Variants in KL observed in about 807,000 individuals in gnomAD.
KL encodes klotho.
Under a neutral mutation model 84.2 loss-of-function variants are expected in KL, and 62 were observed. The ratio of observed to expected loss-of-function variants is 0.74; its 90% CI spans 0.60 to 0.91. The LOEUF is 0.91. Among genes scored for constraint, KL ranks in the 40% least tolerant of loss-of-function variants. KL has a pLI of 0.00. For missense variants in KL, 1,261 were observed against 1,305.7 expected (o/e 0.97, Z 0.53); for synonymous variants, 528 against 528.0 (o/e 1.00, Z 0.00).
intron 1 of KL, among the ~76,000 whole-genome samples, chr13:33,052,351 G>C (rs1272638978): frequency 6.6e-6 from 1 of 152,174 alleles, no homozygotes; most frequent in African/African-American, 2.4e-5. Context: ...ATGGAGAAGG[G>C]TAGGAGACAT....
At chr13:33,030,786 A>G (rs76029927) in intron 1 of KL, among the ~76,000 whole-genome samples, 5,528 of 152,302 alleles carry the variant, frequency 0.036, 331 homozygotes, top group African/African-American at 0.13. Flanking sequence ...AAACACATAC[A>G]CAAACTGAAA....
rs778691231 is a variant in KL at position 33,016,645 on chromosome 13, G to C, written c.205G>C (p.Val69Leu). 3 of 1,577,284 alleles carry C rather than the reference G, an allele frequency of 1.9e-6. No homozygotes were observed. Among genetic ancestry groups the C allele is most frequent in the Non-Finnish European group, 2.6e-6 (3 of 1,161,880 alleles). ...GTFPDGFLWAVGSAAYQTEGG... is the reference protein window; with the variant it reads ...GTFPDGFLWALGSAAYQTEGG... Reference sequence around the variant, plus strand: ...CTTCCCCGACGGCTTCCTCTGGGCCGTGGGCAGCGCCGCCTACCAGACCGA... The same window carrying C: ...CTTCCCCGACGGCTTCCTCTGGGCCCTGGGCAGCGCCGCCTACCAGACCGA... Residue 69 changes from valine (V) to leucine (L), a missense_variant, in exon 1 of 5, where the codon GTG becomes CTG. Transcript: ENST00000380099.
At position 33,060,783 on chromosome 13, in the gene KL, G is replaced by A. The variant is rs902573320; in HGVS notation, c.1704G>A (p.Arg568=). 1 of 1,614,200 alleles carries A rather than the reference G, an allele frequency of 6.2e-7. No homozygotes were observed. The highest frequency in any genetic ancestry group is 8.5e-7 in the Non-Finnish European group (1 of 1,180,042). The change falls in exon 4 of 5, where the codon AGG becomes AGA. Residue 568 remains arginine, a synonymous_variant. Coordinates refer to ENST00000380099, the MANE Select transcript of KL (RefSeq NM_004795.4). ...IKVDGVVTKK[R]KSYCVDFAAI... ...TGGATGGGGTTGTGACCAAGAAGAG[G>A]AAATCCTACTGTGTTGACTTTGCTG...
At chr13:33,055,423 CA>C in intron 3 of KL, 108 bp downstream of exon 3, 6 of 1,430,310 alleles carry the variant, frequency 4.2e-6, no homozygotes, top group Admixed American at 1.8e-5. Flanking sequence ...TTCTTTGAGC[CA>C]AAAACAATTC....
rs1872302013 is a variant in KL, at chr13:33,063,829, C to T, written c.2702-20C>T. ...TGCAAAATACGTAATAACTACTCTC[C>T]TATCCTTTTGTTTTTCCAGCCCACA... On this transcript the variant is annotated intron_variant, in intron 4 of 4. Transcript: ENST00000380099. 6.2e-7 allele frequency: 1 copy of T among 1,607,960 alleles called. No homozygotes were observed. The highest frequency in any genetic ancestry group is 8.5e-7 in the Non-Finnish European group (1 of 1,174,558).
Position 33,061,214 on chromosome 13 carries a change from A to G in KL, c.2135A>G (p.His712Arg), listed in dbSNP as rs1170493606. 4 of 1,614,246 alleles carry G rather than the reference A, an allele frequency of 2.5e-6. No individual in the cohort carries two copies. Among genetic ancestry groups the G allele is most frequent in the East Asian group, 4.5e-5 (2 of 44,882 alleles). Residue 712 changes from histidine to arginine, a missense_variant, in exon 4 of 5, where the codon CAT becomes CGT. By Grantham distance (29) the His-to-Arg change is conservative. Coordinates refer to ENST00000380099, the MANE Select transcript of KL (RefSeq NM_004795.4). ...CTGAAGGCCCATGCCCTGGCTTGGC[A>G]TGTGTACAATGAAAAGTTTAGGCAT... The part of the protein sequence containing the change: ...NLLKAHALAW[H>R]VYNEKFRHAQ...
chr13:33,061,804 T>C, intron 4 of KL, 24 bp downstream of exon 4: 1 of 1,608,280 alleles, frequency 6.2e-7, no homozygotes, highest in Non-Finnish European at 8.5e-7. Flanking sequence ...GCTGCGGCTA[T>C]CTCCTGAAGG....
intron 1 of KL, among the ~76,000 whole-genome samples, chr13:33,023,731 G>A (rs936584096): frequency 2.0e-5 from 3 of 152,026 alleles, no homozygotes; most frequent in African/African-American, 7.3e-5. Context: ...CAGATGTCAC[G>A]TCATCCATGA....
intron 1 of KL, among the ~76,000 whole-genome samples, chr13:33,032,689 G>A (rs1467383499): frequency 6.6e-6 from 1 of 152,044 alleles, no homozygotes; most frequent in Non-Finnish European, 1.5e-5. Flanking sequence ...CCACAGATCC[G>A]CCAATGGGAG....
intron 1 of KL, among the ~76,000 whole-genome samples, chr13:33,039,322 T>C (rs1871252851): frequency 6.6e-6 from 1 of 152,232 alleles, no homozygotes; most frequent in Admixed American, 6.5e-5. Flanking sequence ...TTTCAACTAA[T>C]TTAAGAATTA....
intron 1 of KL, among the ~76,000 whole-genome samples, chr13:33,032,316 T>C (rs1871000775): frequency 6.6e-6 from 1 of 152,204 alleles, no homozygotes; most frequent in African/African-American, 2.4e-5. Flanking sequence ...ACCATTTTAT[T>C]TGGTTTACAA....
At chr13:33,040,372 T>C (rs1871294966) in intron 1 of KL, among the ~76,000 whole-genome samples, 1 of 152,194 alleles carries the variant, frequency 6.6e-6, no homozygotes, top group Admixed American at 6.5e-5. Flanking sequence ...TTCTTGAAGT[T>C]GAGGTAATAG....
chr13:33,055,965 T>TC (rs1871941423), intron 3 of KL, among the ~76,000 whole-genome samples: 1 of 152,244 alleles, frequency 6.6e-6, no homozygotes, highest in African/African-American at 2.4e-5. Flanking sequence ...GACTGGATAC[T>TC]CTAGTAAGCA....
rs535996832 is a variant in KL at position 33,032,591 on chromosome 13, TC to T, written c.819+15333del. Among the ~76,000 whole-genome samples, 327 of 152,256 alleles carry T rather than the reference TC, an allele frequency of 2.1e-3. 1 individual carries two copies. The highest frequency in any genetic ancestry group is 7.2e-3 in the African/African-American group (298 of 41,550). ...AAGTGGTATGGACTTCTTTTCTTCT[TC>T]TTCTTCTTCTTTTCACTTATTCTTG... On this transcript the variant is annotated intron_variant, in intron 1 of 4. Coordinates refer to ENST00000380099, the MANE Select transcript of KL (RefSeq NM_004795.4).
intron 1 of KL, among the ~76,000 whole-genome samples, chr13:33,044,993 A>T (rs2138219846): frequency 6.6e-6 from 1 of 152,228 alleles, no homozygotes; most frequent in East Asian, 1.9e-4. Flanking sequence ...TTCAATCAAC[A>T]TGCCTTTTAT....
chr13:33,055,016 A>G, intron 2 of KL, 31 bp from the exon 3 acceptor site: 1 of 1,614,054 alleles, frequency 6.2e-7, no homozygotes, highest in Non-Finnish European at 8.5e-7. Flanking sequence ...GCGAAGGGTC[A>G]TGTTGCTCTT....
At chr13:33,038,394 T>C (rs948590455) in intron 1 of KL, among the ~76,000 whole-genome samples, 1 of 152,188 alleles carries the variant, frequency 6.6e-6, no homozygotes, top group Non-Finnish European at 1.5e-5. Context: ...CAGAGTCCAC[T>C]ATGGGGGGAT....
chr13:33,032,532 C>A (rs508394), intron 1 of KL, among the ~76,000 whole-genome samples: 47,367 of 151,860 alleles, frequency 0.31, 8,620 homozygotes, highest in Admixed American at 0.43. Context: ...AAACTAGCTT[C>A]CCTCCCGGCA....
intron 1 of KL, among the ~76,000 whole-genome samples, chr13:33,049,846 C>G (rs1871678416): frequency 6.6e-6 from 1 of 152,040 alleles, no homozygotes; most frequent in Non-Finnish European, 1.5e-5. Context: ...TAGAGCAATA[C>G]ATGTTTATGG....
Sources: allele counts gnomAD v4.1 joint callset (sites outside exome capture counted in the v4.1 genomes callset), GRCh38; gene constraint gnomAD v4.1.1; transcripts MANE v1.5; gene names NCBI Gene and HGNC (gene_info 2026-07-23, HGNC 2026-07-21).